The following ARMC9 variants were observed in gnomAD, a reference collection of about 807,000 sequenced individuals.
The protein encoded by ARMC9 is armadillo repeat containing 9, also known as lisH domain-containing protein ARMC9.
ARMC9 carries 94 observed loss-of-function variants against 107.0 expected under a neutral mutation model. The ratio of observed to expected loss-of-function variants is 0.88; its 90% confidence interval spans 0.74 to 1.04. The LOEUF (loss-of-function observed/expected upper bound fraction) is 1.04, where lower values mean the gene tolerates loss of function less well. ARMC9 is among the 50% of genes least tolerant of loss of function. The pLI is 0.00. For missense variants in ARMC9, 942 were observed against 1,030.1 expected, an observed-to-expected ratio of 0.91 and a Z score of 1.17; for synonymous variants, 380 against 396.9, an observed-to-expected ratio of 0.96 and a Z score of 0.51.
chr2:231,299,886 A>G (rs868624747), intron 19 of ARMC9, among the ~76,000 whole-genome samples: 2 of 152,304 alleles, frequency 1.3e-5, no homozygotes, highest in Middle Eastern at 3.4e-3. Flanking sequence ...AGCTTGGACA[A>G]TACACCCCAG....
intron 12 of ARMC9, among the ~76,000 whole-genome samples, chr2:231,266,263 G>T (rs550397188): frequency 8.8e-4 from 134 of 152,314 alleles, no homozygotes; most frequent in African/African-American, 2.8e-3. Flanking sequence ...TAGGTCTATG[G>T]TGGGGCCCAA....
intron 19 of ARMC9, among the ~76,000 whole-genome samples, chr2:231,300,278 A>C (rs1216470287): frequency 6.6e-6 from 1 of 152,242 alleles, no homozygotes; most frequent in Non-Finnish European, 1.5e-5. Flanking sequence ...TATGCTCAGC[A>C]ATTTCCTTCT....
chr2:231,236,819 C>G (rs927819202), intron 8 of ARMC9, among the ~76,000 whole-genome samples: 2 of 152,128 alleles, frequency 1.3e-5, no homozygotes, highest in Non-Finnish European at 2.9e-5. Flanking sequence ...TGGAGGACAT[C>G]TGTAATCCCA....
intron 7 of ARMC9, among the ~76,000 whole-genome samples, chr2:231,230,251 T>C (rs1285749453): frequency 6.6e-6 from 1 of 151,698 alleles, no homozygotes; most frequent in African/African-American, 2.4e-5. Flanking sequence ...AAGTCCCAGC[T>C]ACTCAGGAGG....
At chr2:231,282,766 G>T (rs903989244) in intron 17 of ARMC9, among the ~76,000 whole-genome samples, 2 of 152,168 alleles carry the variant, frequency 1.3e-5, no homozygotes, top group Non-Finnish European at 1.5e-5. Flanking sequence ...TCTTCTCATT[G>T]ATCATTTAAA....
intron 3 of ARMC9, 36 bp from the exon 4 acceptor site, chr2:231,214,795 T>C (rs373749006): frequency 2.5e-6 from 4 of 1,599,004 alleles, no homozygotes; most frequent in Non-Finnish European, 3.4e-6. Context: ...TGTTGAAATT[T>C]ACAACGAGGT....
In ARMC9 at chr2:231,373,929, G is replaced by C. The variant is rs1378994617; in HGVS notation, c.*2394G>C. On this transcript the variant is annotated 3_prime_UTR_variant, in exon 25 of 25. Transcript: ENST00000611582. The surrounding 1 kb of genome is among the most constrained non-coding windows in gnomAD (Gnocchi z 4.4). ...AAAAAAAATACATTGAGATTACCAG[G>C]TGGGGTATGTGTGGTTCTTCCAGGA... 6.6e-6 allele frequency: 1 copy of C among 152,018 alleles called. No individual in the cohort carries two copies. The highest frequency in any genetic ancestry group is 2.4e-5 in the African/African-American group (1 of 41,372). 9.4% of individuals were successfully genotyped at this position (152,018 alleles called of 1,614,324 possible).
intron 7 of ARMC9, among the ~76,000 whole-genome samples, chr2:231,233,413 G>A (rs1191984837): frequency 6.6e-6 from 1 of 152,092 alleles, no homozygotes; most frequent in East Asian, 1.9e-4. Context: ...TTATTTGTGG[G>A]TGATTCTGAT....
At chr2:231,332,033 C>T in intron 20 of ARMC9, 136 bp downstream of exon 20, 2 of 714,464 alleles carry the variant, frequency 2.8e-6, no homozygotes, top group Non-Finnish European at 4.7e-6. Context: ...TCCATGTTAG[C>T]CAGTCTGCTC....
At chr2:231,323,066 GT>G (rs1206545361) in intron 19 of ARMC9, among the ~76,000 whole-genome samples, 2 of 152,178 alleles carry the variant, frequency 1.3e-5, no homozygotes, top group African/African-American at 4.8e-5. Flanking sequence ...GCTCATGCCT[GT>G]AATCCCAGCA....
intron 18 of ARMC9, chr2:231,295,204 GATA>G (rs969543461): frequency 6.6e-6 from 1 of 152,194 alleles, no homozygotes; most frequent in African/African-American, 2.4e-5. Context: ...AGAAACAAGT[GATA>G]ATAAGAAAGA....
In ARMC9 at chr2:231,296,183, T is replaced by G. The variant is rs1363668420; in HGVS notation, c.1718-15T>G. 6.2e-7 allele frequency: 1 copy of G among 1,602,878 alleles called. No homozygotes were observed. The highest frequency in any genetic ancestry group is 2.2e-5 in the East Asian group (1 of 44,784). On this transcript the variant is annotated splice_polypyrimidine_tract_variant and intron_variant, in intron 18 of 24. Transcript: ENST00000611582. Reference sequence around the variant, plus strand: ...CTGTTTATCCATTATTCATTGATTCTTTTTTTCTTTATAGAAGAGCTACCA... The same window carrying G: ...CTGTTTATCCATTATTCATTGATTCGTTTTTTCTTTATAGAAGAGCTACCA...
intron 18 of ARMC9, chr2:231,294,827 G>A (rs2041249082): frequency 6.6e-6 from 1 of 152,290 alleles, no homozygotes; most frequent in African/African-American, 2.4e-5. Flanking sequence ...AGAAAGCAGA[G>A]TGGCATCACA....
chr2:231,314,262 A>G (rs1191453573), intron 19 of ARMC9, among the ~76,000 whole-genome samples: 1 of 151,776 alleles, frequency 6.6e-6, no homozygotes, highest in African/African-American at 2.4e-5. Context: ...TGTTTTTAGT[A>G]GAGATGGGGT....
intron 19 of ARMC9, among the ~76,000 whole-genome samples, chr2:231,322,583 T>C (rs1283604335): frequency 6.6e-6 from 1 of 152,208 alleles, no homozygotes; most frequent in Non-Finnish European, 1.5e-5. Flanking sequence ...ATCTGGTTTG[T>C]CTGGAGTATT....
intron 23 of ARMC9, 101 bp from the exon 24 acceptor site, chr2:231,369,852 T>C (rs2045949386): frequency 1.6e-6 from 2 of 1,234,944 alleles, no homozygotes; most frequent in East Asian, 6.0e-5. Context: ...CCTTGGCCTC[T>C]CAGAGTGCTG....
chr2:231,268,322 A>G (rs148676934), intron 12 of ARMC9, among the ~76,000 whole-genome samples: 2 of 152,306 alleles, frequency 1.3e-5, no homozygotes, highest in East Asian at 3.9e-4. Context: ...GATCTGTGCA[A>G]TGCCCTGTGT....
rs2046155185 is a variant in ARMC9 at position 231,375,041 on chromosome 2, A to G, written c.*3506A>G. Among the ~76,000 whole-genome samples the G allele has an allele frequency of 1.3e-5, 2 of 152,226 alleles. No homozygotes were observed. Among genetic ancestry groups the G allele is most frequent in the African/African-American group, 2.4e-5 (1 of 41,456 alleles). ...TGCTGTTCTAAGAAGTGATTAGGTT[A>G]GCTTTTGCATATTAACAAACTACCT... On this transcript the variant is annotated 3_prime_UTR_variant, in exon 25 of 25. Coordinates refer to ENST00000611582, the MANE Select transcript of ARMC9 (RefSeq NM_001352754.2). The surrounding 1 kb of genome is among the most constrained non-coding windows in gnomAD (Gnocchi z 4.3).
chr2:231,367,273 G>A (rs958570732), intron 23 of ARMC9, among the ~76,000 whole-genome samples: 3 of 152,202 alleles, frequency 2.0e-5, no homozygotes, highest in African/African-American at 4.8e-5. Context: ...GGGACGTTAC[G>A]GATTCCTGGG....
Sources: gnomAD v4.1 joint callset for allele counts (sites outside exome capture counted in the v4.1 genomes callset) on GRCh38, gnomAD v4.1.1 for gene constraint, Gnocchi (gnomAD v3.1) non-coding constraint, MANE v1.5 for transcripts, NCBI Gene and HGNC (gene_info 2026-07-23, HGNC 2026-07-21) for gene names.